DNAH2: variants seen among roughly 807,000 people sequenced by gnomAD.
DNAH2 encodes the protein axonemal beta dynein heavy chain 2.
In DNAH2, 323 loss-of-function variants were observed where a neutral mutation model predicts 523.5. The observed-to-expected ratio is 0.62, with a 90% CI of 0.56 to 0.68. DNAH2 has a LOEUF of 0.68. Among genes scored for constraint, DNAH2 ranks in the 30% least tolerant of loss-of-function variants. The pLI, the probability that DNAH2 is intolerant of heterozygous loss-of-function variation, is 0.00. For synonymous variants in DNAH2, 2,093 were observed against 2,177.4 expected (o/e 0.96, Z 1.08); for missense variants, 4,907 against 5,701.5 (o/e 0.86, Z 4.49).
rs190736714 is a variant in DNAH2, at chr17:7,729,776, A to G, written c.399+2484A>G. ...AGATTTTTCACTGCCTTAAATGAGC[A>G]CTAACCACCTGTCCATTTCCCTGAG... On this transcript the variant is annotated intron_variant, in intron 4 of 85. Coordinates refer to ENST00000572933, the MANE Select transcript of DNAH2 (RefSeq NM_020877.5). Among the ~76,000 whole-genome samples the G allele has an allele frequency of 8.5e-3, 1,295 of 152,300 alleles. 5 individuals carry two copies. The highest frequency in any genetic ancestry group is 0.013 in the Non-Finnish European group (879 of 68,028).
rs778221284 is a variant in DNAH2, at chr17:7,792,747, T to C, written c.7236T>C (p.Ile2412=). 27 of 1,614,164 alleles carry C rather than the reference T, an allele frequency of 1.7e-5. No homozygotes were observed. In the South Asian group the frequency reaches 2.0e-4, roughly 12 times the overall value. The change falls in exon 47 of 86, where the codon ATT becomes ATC. Residue 2412 remains isoleucine (I), a synonymous_variant. Coordinates refer to ENST00000572933, the MANE Select transcript of DNAH2 (RefSeq NM_020877.5). The part of the protein sequence containing the change: ...VSSLVANQNP[I]LLVGPVGTGK... ...GCTTGGTGGCCAACCAGAATCCCAT[T>C]CTGCTGGTGGGTCCCGTGGGGACTG...
intron 18 of DNAH2, 129 bp downstream of exon 18, chr17:7,761,061 G>T: frequency 8.5e-7 from 1 of 1,176,714 alleles, no homozygotes; most frequent in African/African-American, 1.5e-5. Context: ...GACAGGAAAA[G>T]AACAGGACCT....
chr17:7,723,573 A>T (rs1201510044), intron 2 of DNAH2, 55 bp from the exon 3 acceptor site: 1 of 1,515,676 alleles, frequency 6.6e-7, no homozygotes, highest in African/African-American at 1.4e-5. Context: ...CGCCCAGCTG[A>T]CTGTGTTTAA....
rs776128215 is a variant in DNAH2 at position 7,818,449 on chromosome 17, G to A, written c.10525G>A (p.Val3509Ile). 4 of 1,614,102 alleles carry A rather than the reference G, an allele frequency of 2.5e-6. No individual in the cohort carries two copies. Among genetic ancestry groups the A allele is most frequent in the South Asian group, 1.1e-5 (1 of 91,086 alleles). ...SAKTTIVNFAVKEQGLEAQLL... is the reference protein window; with the variant it reads ...SAKTTIVNFAIKEQGLEAQLL... ...CAAGACCACCATCGTCAACTTTGCT[G>A]TTAAAGAACAGGTGGGTACAGGCTG... is the stretch of plus-strand genomic sequence containing the variant. Residue 3509 changes from valine to isoleucine, a missense_variant, in exon 69 of 86, where the codon GTT (valine) becomes ATT (isoleucine). This residue lies in a region of DNAH2 where 1,851 missense variants were observed against 2,139.4 expected (regional missense o/e 0.87). Coordinates refer to ENST00000572933, the MANE Select transcript of DNAH2 (RefSeq NM_020877.5).
intron 73 of DNAH2, among the ~76,000 whole-genome samples, chr17:7,822,598 G>A (rs987973962): frequency 6.6e-5 from 10 of 151,230 alleles, no homozygotes; most frequent in Non-Finnish European, 1.2e-4. Flanking sequence ...TGGCACTGCC[G>A]TCTTTGCTAT....
chr17:7,824,280 C>A lies in DNAH2; in HGVS notation c.11638C>A (p.Leu3880Ile). The A allele has an allele frequency of 6.5e-7, 1 of 1,535,318 alleles. No individual in the cohort carries two copies. Among genetic ancestry groups the A allele is most frequent in the Admixed American group, 2.2e-5 (1 of 45,352 alleles). ...GQGQAPIAARLLREGVTQGHW... is the reference protein window; with the variant it reads ...GQGQAPIAARILREGVTQGHW... The stretch of plus-strand genomic sequence containing the variant: ...GGGCCAGGCCCCCATCGCTGCTCGG[C>A]TCCTCCGAGAGGGTGTGACTCAGGG... Residue 3880 changes from leucine (L) to isoleucine (I), a missense_variant, in exon 76 of 86, where the codon CTC (leucine) becomes ATC (isoleucine). By Grantham distance (5) the Leu-to-Ile change is conservative. Transcript: ENST00000572933.
chr17:7,733,465 C>T (rs539327994), intron 5 of DNAH2, 150 bp downstream of exon 5: 2 of 594,660 alleles, frequency 3.4e-6, no homozygotes, highest in East Asian at 2.9e-5. Context: ...ACAAGATCCG[C>T]CTTCTTCTTC....
chr17:7,753,876 A>G (rs2075760611), intron 12 of DNAH2, among the ~76,000 whole-genome samples: 3 of 152,064 alleles, frequency 2.0e-5, no homozygotes, highest in Non-Finnish European at 4.4e-5. Flanking sequence ...TAAACCGGGG[A>G]GGCAGAGGTT....
chr17:7,803,327 A>G (rs912409940), intron 58 of DNAH2, among the ~76,000 whole-genome samples: 2 of 152,200 alleles, frequency 1.3e-5, no homozygotes, highest in Admixed American at 1.3e-4. Flanking sequence ...CACAGAACTC[A>G]GGAAACACTT....
chr17:7,805,687 CAA>C (rs200534912), intron 61 of DNAH2, among the ~76,000 whole-genome samples: 1 of 150,456 alleles, frequency 6.6e-6, no homozygotes, highest in Non-Finnish European at 1.5e-5. Flanking sequence ...CCCATCTCTA[CAA>C]AAAAAAATGC....
chr17:7,824,176 T>G lies in DNAH2; in HGVS notation c.11534T>G (p.Val3845Gly). ...CTCGTGTTCATCCTGTCCCCTGGTG[T>G]GGACCCCACCAGTGCCCTGCTGCAG... ...SPLVFILSPG[V>G]DPTSALLQLA... is the part of the protein sequence containing the mutation. Residue 3845 changes from valine (V) to glycine (G), a missense_variant, in exon 76 of 86, where the codon GTG becomes GGG. This residue lies in a region of DNAH2 where 1,851 missense variants were observed against 2,139.4 expected (regional missense o/e 0.87). Transcript: ENST00000572933. 6.2e-7 allele frequency: 1 copy of G among 1,602,000 alleles called. No homozygotes were observed.
At chr17:7,742,835 TGCGCATGC>T in intron 11 of DNAH2, 85 bp from the exon 12 acceptor site, 2 of 845,954 alleles carry the variant, frequency 2.4e-6, no homozygotes, top group Non-Finnish European at 3.3e-6. Flanking sequence ...TTGGGGTATG[TGCGCATGC>T]GCGCATGTGT....
chr17:7,797,253 A>G lies in DNAH2; in HGVS notation c.7941A>G (p.Glu2647=), dbSNP rs1416278590. 6.2e-7 allele frequency: 1 copy of G among 1,614,016 alleles called. No homozygotes were observed. The highest frequency in any genetic ancestry group is 2.2e-5 in the East Asian group (1 of 44,866). ...KSSITRLWIH[E]CFRVFSDRLV... is the part of the protein sequence containing the mutation. Reference sequence around the variant, plus strand: ...GCATCACACGGCTCTGGATCCATGAATGTTTCAGGTGACATGCATGTGCCC... The same window carrying G: ...GCATCACACGGCTCTGGATCCATGAGTGTTTCAGGTGACATGCATGTGCCC... Residue 2647 remains glutamate (E), a synonymous_variant, in exon 51 of 86, where the codon GAA becomes GAG. Transcript: ENST00000572933.
intron 63 of DNAH2, among the ~76,000 whole-genome samples, chr17:7,815,152 T>G (rs1411902649): frequency 6.6e-6 from 1 of 152,236 alleles, no homozygotes; most frequent in African/African-American, 2.4e-5. Context: ...TGGAGAGTGA[T>G]CTCTCCCATT....
rs2075076418 is a variant in DNAH2, at chr17:7,734,273, A to G, written c.719A>G (p.Glu240Gly). 3 of 1,607,292 alleles carry G rather than the reference A, an allele frequency of 1.9e-6. No homozygotes were observed. The highest frequency in any genetic ancestry group is 2.5e-6 in the Non-Finnish European group (3 of 1,176,770). The change falls in exon 6 of 86, where the codon GAG becomes GGG. Residue 240 changes from glutamate (E) to glycine (G), a missense_variant. Glu to Gly is a moderately conservative substitution (Grantham distance 98). Around this residue, in one of 3 missense-constraint regions of DNAH2, gnomAD observed 2,806 missense variants for 3,190.8 expected, o/e 0.88. Coordinates refer to ENST00000572933, the MANE Select transcript of DNAH2 (RefSeq NM_020877.5). ...CCTGAGATGGTGATAAAGGACAAAG[A>G]GCTGGTGCAACGGCTAGAGAGTGAG... is the stretch of plus-strand genomic sequence containing the variant. Reference protein sequence around the residue: ...MKPEMVIKDKELVQRLETSMI... With the variant: ...MKPEMVIKDKGLVQRLETSMI...
rs1383567249 is a variant in DNAH2, at chr17:7,743,035, C to T, written c.1797C>T (p.Phe599=). Residue 599 remains phenylalanine, a synonymous_variant, in exon 12 of 86, where the codon TTC becomes TTT. Coordinates refer to ENST00000572933, the MANE Select transcript of DNAH2 (RefSeq NM_020877.5). The stretch of plus-strand genomic sequence containing the variant: ...TTGATGAGCTGGTTCGAAAAACCTT[C>T]CAAGAGTGGACATCAAGTCTGGACA... ...QAIDELVRKT[F]QEWTSSLDKD... The T allele has an allele frequency of 1.3e-6, 2 of 1,526,252 alleles. No individual in the cohort carries two copies. Among genetic ancestry groups the T allele is most frequent in the African/African-American group, 1.4e-5 (1 of 71,786 alleles). The allele number at this position is 1,526,252 out of a possible 1,614,324, so 94.5% of individuals were successfully genotyped here.
At chr17:7,785,981 G>A (rs2076722404) in intron 39 of DNAH2, 143 bp from the exon 40 acceptor site, 1 of 788,008 alleles carries the variant, frequency 1.3e-6, no homozygotes, top group South Asian at 1.8e-5. Flanking sequence ...GCTTCCCAAT[G>A]AGTGAACAGA....
chr17:7,735,748 AT>A (rs917499590), intron 7 of DNAH2, among the ~76,000 whole-genome samples: 28 of 148,248 alleles, frequency 1.9e-4, no homozygotes, highest in Admixed American at 1.8e-3. Flanking sequence ...TCAATTGTTA[AT>A]TTTTTTTATT....
intron 20 of DNAH2, among the ~76,000 whole-genome samples, chr17:7,764,795 T>TA (rs2076112833): frequency 6.7e-6 from 1 of 149,800 alleles, no homozygotes; most frequent in South Asian, 2.1e-4. Context: ...TTTTTTTTTT[T>TA]TTTTTTTTTG....
Sources: allele counts gnomAD v4.1 joint callset (sites outside exome capture counted in the v4.1 genomes callset), GRCh38; gene constraint gnomAD v4.1.1; regional missense constraint gnomAD v4.1.1; transcripts MANE v1.5; gene names NCBI Gene and HGNC (gene_info 2026-07-23, HGNC 2026-07-21).